The following LINGO2 variants were observed in gnomAD, a reference collection of about 807,000 sequenced individuals.
The protein encoded by LINGO2 is leucine rich repeat and Ig domain containing 2, also known as leucine-rich repeat and immunoglobulin-like domain-containing nogo receptor-interacting protein 2.
In LINGO2, 14 loss-of-function variants were observed where a neutral mutation model predicts 30.6. That is an observed-to-expected ratio of 0.46 (90% CI 0.30 to 0.72). LINGO2 has a LOEUF of 0.72. LINGO2 is among the 30% of genes least tolerant of loss of function. LINGO2 has a pLI of 0.07. For synonymous variants in LINGO2, 317 were observed against 288.5 expected (o/e 1.10, Z -1.00); for missense variants, 729 against 751.7 (o/e 0.97, Z 0.35).
chr9:28,697,780 C>A, the LINGO2 span, among the ~76,000 whole-genome samples: 2 of 151,980 alleles, frequency 1.3e-5, no homozygotes, highest in African/African-American at 4.8e-5. Flanking sequence ...GAAAGCTAAT[C>A]AGCTCAAAAA....
At chr9:29,192,899 G>T in the LINGO2 span, among the ~76,000 whole-genome samples, 27 of 152,202 alleles carry the variant, frequency 1.8e-4, no homozygotes, top group Non-Finnish European at 3.4e-4. Flanking sequence ...TGCTCCACTT[G>T]TCAAACTATG....
the LINGO2 span, among the ~76,000 whole-genome samples, chr9:28,755,825 C>T: frequency 6.6e-6 from 1 of 152,068 alleles, no homozygotes; most frequent in African/African-American, 2.4e-5. Context: ...CAGCTATGTC[C>T]GATCACAGCT....
At chr9:28,214,442 A>G (rs1820696480) in intron 4 of LINGO2, among the ~76,000 whole-genome samples, 1 of 151,598 alleles carries the variant, frequency 6.6e-6, no homozygotes, top group African/African-American at 2.4e-5. Context: ...AATTTGTTCA[A>G]TTCCAACTAT....
chr9:28,867,942 A>G, the LINGO2 span, among the ~76,000 whole-genome samples: 3 of 152,192 alleles, frequency 2.0e-5, no homozygotes, highest in Non-Finnish European at 4.4e-5. Context: ...CTTTTACCCA[A>G]AAATAATAAA....
chr9:28,789,404 T>C, the LINGO2 span, among the ~76,000 whole-genome samples: 2 of 152,204 alleles, frequency 1.3e-5, no homozygotes, highest in Non-Finnish European at 2.9e-5. Flanking sequence ...ATCTGAAATA[T>C]AATAAACAGT....
At chr9:28,457,092 T>A (rs917256102) in intron 2 of LINGO2, among the ~76,000 whole-genome samples, 1 of 152,076 alleles carries the variant, frequency 6.6e-6, no homozygotes, top group Admixed American at 6.6e-5. Context: ...ACAGAGCTAA[T>A]TCCAGAAGCA....
intron 1 of LINGO2, among the ~76,000 whole-genome samples, chr9:28,489,201 G>A (rs1680485984): frequency 6.6e-6 from 1 of 152,096 alleles, no homozygotes; most frequent in African/African-American, 2.4e-5. Flanking sequence ...ACTTTAAAAT[G>A]TCACAATCCA....
intron 2 of LINGO2, among the ~76,000 whole-genome samples, chr9:28,406,452 C>G (rs1175933253): frequency 6.6e-6 from 1 of 152,136 alleles, no homozygotes; most frequent in Non-Finnish European, 1.5e-5. Flanking sequence ...TTGCTACTAC[C>G]TGTCAATCTT....
the LINGO2 span, among the ~76,000 whole-genome samples, chr9:28,791,384 TTAA>T: frequency 6.6e-6 from 1 of 152,016 alleles, no homozygotes; most frequent in Non-Finnish European, 1.5e-5. Flanking sequence ...CCTTTTATAT[TTAA>T]TAATAAACCA....
At chr9:28,657,940 T>C (rs1032375987) in intron 1 of LINGO2, among the ~76,000 whole-genome samples, 1 of 152,042 alleles carries the variant, frequency 6.6e-6, no homozygotes, top group African/African-American at 2.4e-5. Flanking sequence ...TGTTATCTAA[T>C]GCATTTTTAT....
chr9:28,757,305 C>T, the LINGO2 span, among the ~76,000 whole-genome samples: 1 of 152,092 alleles, frequency 6.6e-6, no homozygotes, highest in Admixed American at 6.5e-5. Context: ...ATTTCATTTT[C>T]AGAACCTCTC....
intron 1 of LINGO2, among the ~76,000 whole-genome samples, chr9:28,537,929 C>T (rs1202655393): frequency 2.0e-5 from 3 of 150,152 alleles, no homozygotes; most frequent in Admixed American, 6.6e-5. Context: ...CCAAACTTCC[C>T]AAATTCAAGA....
intron 5 of LINGO2, among the ~76,000 whole-genome samples, chr9:27,966,914 T>G (rs1355881796): frequency 6.6e-6 from 1 of 152,090 alleles, no homozygotes; most frequent in East Asian, 1.9e-4. Context: ...TTGGGAAATA[T>G]CAACTGGAGA....
chr9:28,786,703 TC>T, the LINGO2 span, among the ~76,000 whole-genome samples: 8 of 152,260 alleles, frequency 5.3e-5, no homozygotes, highest in South Asian at 1.7e-3. Context: ...ACTCACATTG[TC>T]AGGATCCTGA....
rs150791963 is a variant in LINGO2, at chr9:28,592,277, A to C, written c.-365+77923T>G. Among the ~76,000 whole-genome samples, 892 of 152,210 alleles carry C rather than the reference A, an allele frequency of 5.9e-3. 11 individuals carry two copies. Among genetic ancestry groups the C allele is most frequent in the African/African-American group, 0.021 (861 of 41,550 alleles). ...ATAAAAGAAGGAAGCTGGGTTGGAGAACCTCCTCAGATTTTAAAAAAGCCT... is the reference window on the plus strand; with the variant it reads ...ATAAAAGAAGGAAGCTGGGTTGGAGCACCTCCTCAGATTTTAAAAAAGCCT... On this transcript the variant is annotated intron_variant, in intron 1 of 5. Coordinates refer to ENST00000379992, the Ensembl canonical transcript of LINGO2.
At chr9:27,954,850 A>C (rs7864067) in intron 5 of LINGO2, among the ~76,000 whole-genome samples, 83,971 of 151,604 alleles carry the variant, frequency 0.55, 24,651 homozygotes, top group East Asian at 0.81. Flanking sequence ...TGGCTGTAGT[A>C]GTTCACATTT....
At chr9:28,777,072 G>A in the LINGO2 span, among the ~76,000 whole-genome samples, 1 of 151,886 alleles carries the variant, frequency 6.6e-6, no homozygotes, top group Non-Finnish European at 1.5e-5. Context: ...GGTGAGACGC[G>A]CTTTCTTCCC....
chr9:28,526,755 A>G (rs921996523), intron 1 of LINGO2, among the ~76,000 whole-genome samples: 3 of 152,216 alleles, frequency 2.0e-5, no homozygotes, highest in Non-Finnish European at 4.4e-5. Flanking sequence ...GCCACATTAC[A>G]GGATGCCATG....
chr9:28,322,659 G>A (rs532359806), intron 3 of LINGO2, among the ~76,000 whole-genome samples: 1 of 152,222 alleles, frequency 6.6e-6, no homozygotes, highest in East Asian at 1.9e-4. Context: ...ACACTGTCAT[G>A]TACTGATTGT....
Sources: gnomAD v4.1 joint callset for allele counts (sites outside exome capture counted in the v4.1 genomes callset) on GRCh38, gnomAD v4.1.1 for gene constraint, MANE v1.5 for transcripts, NCBI Gene and HGNC (gene_info 2026-07-23, HGNC 2026-07-21) for gene names.